Variants in CACNA1E observed in about 807,000 individuals in gnomAD.
CACNA1E encodes the protein calcium voltage-gated channel subunit alpha1 E.
A neutral mutation model predicts 259.2 loss-of-function variants in CACNA1E; 40 were observed. That is an observed-to-expected ratio of 0.15 (90% confidence interval 0.12 to 0.20). CACNA1E has a LOEUF of 0.20. Ranked by LOEUF, CACNA1E falls within the 10% of genes least tolerant of loss-of-function variation. CACNA1E has a pLI of 1.00. For synonymous variants in CACNA1E, 1,104 were observed against 1,138.5 expected, an observed-to-expected ratio of 0.97 and a Z score of 0.61; for missense variants, 1,874 against 3,040.1, an observed-to-expected ratio of 0.62 and a Z score of 9.02.
Position 181,702,766 on chromosome 1 carries a change from TC to T in CACNA1E, c.1056-8186del, listed in dbSNP as rs565237803. Reference sequence around the variant, plus strand: ...CACTTCCTCACATCTCTCATGTCATTCCTCAAGCCACCTCAGTGAGGCCCTC... The same window carrying T: ...CACTTCCTCACATCTCTCATGTCATTCTCAAGCCACCTCAGTGAGGCCCTC... On this transcript the variant is annotated intron_variant, in intron 7 of 47. Transcript: ENST00000367573. 1.8e-4 allele frequency among the ~76,000 whole-genome samples: 28 copies of T among 152,280 alleles called. No homozygotes were observed. In the South Asian group the frequency reaches 5.6e-3, roughly 30 times the overall value.
At chr1:181,479,449 T>C (rs1663085036), upstream of CACNA1E, among the ~76,000 whole-genome samples, 1 of 152,346 alleles carries the variant, frequency 6.6e-6, no homozygotes, top group East Asian at 1.9e-4. Context: ...TTGCTAATTT[T>C]CCACATTTCC....
chr1:181,610,321 T>C (rs1045113420), intron 6 of CACNA1E, among the ~76,000 whole-genome samples: 2 of 152,150 alleles, frequency 1.3e-5, no homozygotes, highest in African/African-American at 4.8e-5. Flanking sequence ...AATCTAAACA[T>C]ACTAAGGTTG....
rs967070006 is a variant in CACNA1E at position 181,772,294 on chromosome 1, A to G, written c.5139+63A>G. 19 of 1,508,260 alleles carry G rather than the reference A, an allele frequency of 1.3e-5. No individual in the cohort carries two copies. In the East Asian group the frequency reaches 4.1e-4, roughly 32 times the overall value. The allele number at this position is 1,508,260 out of a possible 1,614,324, so 93.4% of individuals were successfully genotyped here. ...ATCCCATCCTACCCCTAACCCTCTG[A>G]TACATAGACCGGAGATGTTTGCTTC... On this transcript the variant is annotated intron_variant, in intron 37 of 47. Coordinates refer to ENST00000367573, the MANE Select transcript of CACNA1E (RefSeq NM_001205293.3).
chr1:181,364,071 C>G (rs1654085445), intron 1 of CACNA1E, among the ~76,000 whole-genome samples: 1 of 152,176 alleles, frequency 6.6e-6, no homozygotes. Flanking sequence ...TAGGCATGCC[C>G]TTCCCATTAG....
intron 1 of CACNA1E, among the ~76,000 whole-genome samples, chr1:181,401,881 C>T (rs1657125960): frequency 6.6e-6 from 1 of 152,176 alleles, no homozygotes; most frequent in African/African-American, 2.4e-5. Flanking sequence ...TTAAGTGGCC[C>T]AGCTCCCTAG....
intron 7 of CACNA1E, among the ~76,000 whole-genome samples, chr1:181,662,502 G>A (rs1647788344): frequency 6.6e-6 from 1 of 152,172 alleles, no homozygotes; most frequent in African/African-American, 2.4e-5. Flanking sequence ...CTATGACAAT[G>A]ATGTTAGGTA....
rs536852435 is a variant in CACNA1E, at chr1:181,610,256, C to A, written c.951+29480C>A. Among the ~76,000 whole-genome samples the A allele has an allele frequency of 3.3e-4, 50 of 152,280 alleles. 1 individual carries two copies. The highest frequency in any genetic ancestry group is 1.1e-3 in the African/African-American group (45 of 41,548). ...TTTCACAGTCCCTGCACATAAGTAC[C>A]AATTAGATAATTTTTCCAGCCATTT... is the stretch of plus-strand genomic sequence containing the variant. On this transcript the variant is annotated intron_variant, in intron 6 of 47. Coordinates refer to ENST00000367573, the MANE Select transcript of CACNA1E (RefSeq NM_001205293.3).
intron 3 of CACNA1E, among the ~76,000 whole-genome samples, chr1:181,538,989 G>A (rs1668375217): frequency 6.6e-6 from 1 of 152,188 alleles, no homozygotes; most frequent in Admixed American, 6.5e-5. Flanking sequence ...GATCCCTCCT[G>A]ACCTGACCAC....
intron 3 of CACNA1E, among the ~76,000 whole-genome samples, chr1:181,524,313 A>G (rs1052007703): frequency 5.3e-5 from 8 of 152,214 alleles, no homozygotes; most frequent in African/African-American, 1.9e-4. Context: ...TTTTTTAAAA[A>G]AGAGCAATCT....
intron 2 of CACNA1E, among the ~76,000 whole-genome samples, chr1:181,462,253 C>T (rs1661869852): frequency 6.6e-6 from 1 of 152,118 alleles, no homozygotes; most frequent in Non-Finnish European, 1.5e-5. Context: ...GTCTAATGAC[C>T]TGATAAGGAG....
At chr1:181,516,700 G>A (rs1305019885) in intron 3 of CACNA1E, among the ~76,000 whole-genome samples, 1 of 152,174 alleles carries the variant, frequency 6.6e-6, no homozygotes, top group Non-Finnish European at 1.5e-5. Context: ...GGAGAAAAGT[G>A]TGTTATCCCT....
At chr1:181,747,050 AAAT>A (rs1478410868) in intron 25 of CACNA1E, among the ~76,000 whole-genome samples, 2 of 152,260 alleles carry the variant, frequency 1.3e-5, no homozygotes, top group Admixed American at 1.3e-4. Context: ...ATTTCCTACC[AAAT>A]AATAGTCCAG....
intron 1 of CACNA1E, among the ~76,000 whole-genome samples, chr1:181,492,111 G>A (rs1480451154): frequency 6.6e-6 from 1 of 152,144 alleles, no homozygotes; most frequent in Non-Finnish European, 1.5e-5. Context: ...CTTGATGCAG[G>A]CTTTCTCACG....
intron 7 of CACNA1E, among the ~76,000 whole-genome samples, chr1:181,704,284 C>T (rs1652570335): frequency 6.6e-6 from 1 of 152,188 alleles, no homozygotes; most frequent in South Asian, 2.1e-4. Context: ...TCCCCAGGCT[C>T]GTAAGAACAC....
chr1:181,526,288 G>T (rs553656146), intron 3 of CACNA1E, among the ~76,000 whole-genome samples: 1 of 152,042 alleles, frequency 6.6e-6, no homozygotes, highest in East Asian at 1.9e-4. Context: ...CCCATATCAT[G>T]CTGCTAATAG....
chr1:181,662,129 G>T (rs976547937), intron 7 of CACNA1E, among the ~76,000 whole-genome samples: 2 of 152,158 alleles, frequency 1.3e-5, no homozygotes, highest in Admixed American at 6.5e-5. Context: ...GTGTGACCAT[G>T]GGGGTCACAT....
chr1:181,775,059 A>G (rs954520829), intron 37 of CACNA1E, among the ~76,000 whole-genome samples: 3 of 152,154 alleles, frequency 2.0e-5, no homozygotes, highest in African/African-American at 4.8e-5. Flanking sequence ...GCAAATATCA[A>G]CATCTCAAGA....
intron 15 of CACNA1E, 66 bp from the exon 16 acceptor site, chr1:181,721,692 T>G: frequency 1.0e-6 from 1 of 985,370 alleles, no homozygotes; most frequent in South Asian, 1.4e-5. Context: ...GAATTTGCCC[T>G]TGGCATTGGC....
At position 181,511,436 on chromosome 1, in the gene CACNA1E, G is replaced by A; in HGVS notation, c.438G>A (p.Leu146=). 1.9e-6 allele frequency: 3 copies of A among 1,613,994 alleles called. No individual in the cohort carries two copies. Among genetic ancestry groups the A allele is most frequent in the Non-Finnish European group, 2.5e-6 (3 of 1,179,866 alleles). ...AAGCTGGGATCAAAATTGTGGCCCT[G>A]GGGTTCATCTTCCATAAGGGCTCTT... is the stretch of plus-strand genomic sequence containing the variant. ...CFEAGIKIVA[L]GFIFHKGSYL... Residue 146 remains leucine (L), a synonymous_variant, in exon 3 of 48, where the codon CTG becomes CTA. Coordinates refer to ENST00000367573, the MANE Select transcript of CACNA1E (RefSeq NM_001205293.3).
Sources: gnomAD v4.1 joint callset for allele counts (sites outside exome capture counted in the v4.1 genomes callset) on GRCh38, gnomAD v4.1.1 for gene constraint, MANE v1.5 for transcripts, NCBI Gene and HGNC (gene_info 2026-07-23, HGNC 2026-07-21) for gene names.